The following COG7 variants were observed in gnomAD, a reference collection of about 807,000 sequenced individuals.
COG7 encodes component of oligomeric golgi complex 7.
In COG7, 49 loss-of-function variants were observed where a neutral mutation model predicts 91.5. That is an observed-to-expected ratio of 0.54 (90% CI 0.43 to 0.68). COG7 has a LOEUF of 0.68. Among genes scored for constraint, COG7 ranks in the 30% least tolerant of loss-of-function variants. The pLI, the probability that COG7 is intolerant of heterozygous loss-of-function variation, is 0.00. For synonymous variants in COG7, 365 were observed against 388.7 expected, an observed-to-expected ratio of 0.94 and a Z score of 0.72; for missense variants, 895 against 961.3, an observed-to-expected ratio of 0.93 and a Z score of 0.91.
intron 10 of COG7, 26 bp from the exon 11 acceptor site, chr16:23,410,386 G>A: frequency 6.3e-7 from 1 of 1,596,768 alleles, no homozygotes; most frequent in Non-Finnish European, 8.6e-7. Context: ...AGCACTTCAA[G>A]TTCAAGTATC....
intron 15 of COG7, 131 bp from the exon 16 acceptor site, chr16:23,392,654 G>A (rs1596904593): frequency 1.9e-6 from 2 of 1,044,596 alleles, no homozygotes; most frequent in Admixed American, 3.7e-5. Context: ...TTAGGGCCAG[G>A]TGCAGTGGCT....
At chr16:23,416,293 T>A (rs1261363612) in intron 9 of COG7, 1 of 153,074 alleles carries the variant, frequency 6.5e-6, no homozygotes, top group African/African-American at 2.4e-5. Flanking sequence ...CCACCCAAAG[T>A]GCTGGGATTA....
chr16:23,431,538 A>G (rs367918906), intron 6 of COG7, among the ~76,000 whole-genome samples: 6 of 152,214 alleles, frequency 3.9e-5, no homozygotes, highest in African/African-American at 1.2e-4. Context: ...GGCCGGGCAC[A>G]GTGGCTCATG....
intron 7 of COG7, 74 bp downstream of exon 7, chr16:23,424,675 C>T (rs1360475008): frequency 2.6e-6 from 4 of 1,519,816 alleles, no homozygotes; most frequent in Non-Finnish European, 3.7e-6. Flanking sequence ...AAAAGGCAAA[C>T]AAATCCAGGC....
At chr16:23,444,480 C>T (rs1280663912) in intron 3 of COG7, among the ~76,000 whole-genome samples, 1 of 151,026 alleles carries the variant, frequency 6.6e-6, no homozygotes, top group Non-Finnish European at 1.5e-5. Context: ...CCCCAACCTT[C>T]TCTGCCTGTG....
At chr16:23,428,307 C>T (rs1039876686) in intron 6 of COG7, among the ~76,000 whole-genome samples, 3 of 152,014 alleles carry the variant, frequency 2.0e-5, no homozygotes, top group African/African-American at 7.2e-5. Flanking sequence ...CAAGATCATG[C>T]CACTGCACTT....
intron 13 of COG7, 77 bp downstream of exon 13, chr16:23,403,617 G>T: frequency 6.4e-7 from 1 of 1,567,906 alleles, no homozygotes; most frequent in Admixed American, 1.7e-5. Context: ...GGAACAGGGA[G>T]GGTTAAGCCC....
intron 11 of COG7, among the ~76,000 whole-genome samples, chr16:23,407,657 C>A (rs1048406188): frequency 6.6e-6 from 1 of 152,176 alleles, no homozygotes; most frequent in Non-Finnish European, 1.5e-5. Context: ...TCCAACTGGA[C>A]GGTGAGGACA....
rs250587 is a variant in COG7 at position 23,388,873 on chromosome 16, G to A, written c.*47C>T. On this transcript the variant is annotated 3_prime_UTR_variant, in exon 17 of 17. Transcript: ENST00000307149. ...CTGAGCAAATCTGTGCTGGTGAGTC[G>A]CGAAACAGCAGCCCTGGCTCTCTTG... The A allele has an allele frequency of 0.18, 297,736 of 1,611,738 alleles. 28,985 individuals carry two copies. The highest frequency in any genetic ancestry group is 0.3 in the East Asian group (13,356 of 44,704).
chr16:23,426,818 CAA>C (rs1176659874), intron 6 of COG7, among the ~76,000 whole-genome samples: 3 of 60,354 alleles, frequency 5.0e-5, no homozygotes, highest in Non-Finnish European at 1.0e-4. Context: ...AGCAATTGGA[CAA>C]AAAAAAAAAA....
At chr16:23,440,972 C>T (rs1964091590) in intron 4 of COG7, among the ~76,000 whole-genome samples, 1 of 151,204 alleles carries the variant, frequency 6.6e-6, no homozygotes, top group Admixed American at 6.6e-5. Context: ...CAAAAGAGAC[C>T]AGAGAAAATA....
chr16:23,425,164 G>A (rs1222690050), intron 6 of COG7, among the ~76,000 whole-genome samples: 2 of 152,232 alleles, frequency 1.3e-5, no homozygotes, highest in African/African-American at 4.8e-5. Context: ...ACAAAAATTA[G>A]CCGGGTGTGA....
At position 23,442,474 on chromosome 16, in the gene COG7, C is replaced by T. The variant is rs753229305; in HGVS notation, c.604+3G>A. ...ACAGAGATGAGAAGCAGCTAGCACT[C>T]ACCTACAGCCTGAGAGGTGAATGCC... is the stretch of plus-strand genomic sequence containing the variant. On this transcript the variant is annotated splice_donor_region_variant and intron_variant, in intron 4 of 16. Transcript: ENST00000307149. The T allele has an allele frequency of 1.2e-6, 2 of 1,613,816 alleles. No individual in the cohort carries two copies. Among genetic ancestry groups the T allele is most frequent in the Admixed American group, 3.3e-5 (2 of 60,008 alleles).
At chr16:23,391,969 GGGAGTTT>G (rs1341232309) in intron 16 of COG7, 1 of 1,139,334 alleles carries the variant, frequency 8.8e-7, no homozygotes, top group Non-Finnish European at 1.1e-6. Context: ...CACCTCACAG[GGGAGTTT>G]GGAATTACAT....
intron 16 of COG7, among the ~76,000 whole-genome samples, chr16:23,390,742 C>A (rs1963181282): frequency 6.6e-6 from 1 of 152,224 alleles, no homozygotes; most frequent in Non-Finnish European, 1.5e-5. Context: ...TGCCCAGCCC[C>A]CTGTGTTTTC....
intron 6 of COG7, among the ~76,000 whole-genome samples, chr16:23,430,400 G>A (rs1416932736): frequency 6.6e-6 from 1 of 150,810 alleles, no homozygotes; most frequent in Non-Finnish European, 1.5e-5. Context: ...CCGTACTCCA[G>A]TGGGGAAAAC....
intron 4 of COG7, 53 bp from the exon 5 acceptor site, chr16:23,434,771 T>C: frequency 7.4e-7 from 1 of 1,358,364 alleles, no homozygotes; most frequent in Non-Finnish European, 1.1e-6. Flanking sequence ...GGTGTAGACA[T>C]GAGAAAAAAC....
At chr16:23,394,952 CCCA>C (rs1419109883) in intron 14 of COG7, 3 of 151,968 alleles carry the variant, frequency 2.0e-5, no homozygotes, top group Non-Finnish European at 4.4e-5. Context: ...ATTACAAGTG[CCCA>C]CCACCACACC....
At chr16:23,413,875 C>A in intron 9 of COG7, 1 of 343,238 alleles carries the variant, frequency 2.9e-6, no homozygotes, top group Non-Finnish European at 5.6e-6. Flanking sequence ...CCCCCCTCAT[C>A]CAGATAAGTA....
Sources: gnomAD v4.1 joint callset for allele counts (sites outside exome capture counted in the v4.1 genomes callset) on GRCh38, gnomAD v4.1.1 for gene constraint, MANE v1.5 for transcripts, NCBI Gene and HGNC (gene_info 2026-07-23, HGNC 2026-07-21) for gene names.